Variants in MGST2 observed in about 807,000 individuals in gnomAD.
MGST2 encodes the protein microsomal glutathione S-transferase 2, also known as glutathione peroxidase MGST2.
In MGST2, 9 loss-of-function variants were observed where a neutral mutation model predicts 16.6. The ratio of observed to expected loss-of-function variants is 0.54; its 90% CI spans 0.33 to 0.95. MGST2 has a LOEUF of 0.95. Ranked by LOEUF, MGST2 falls within the 40% of genes least tolerant of loss-of-function variation. The pLI is 0.03. For synonymous variants in MGST2, 79 were observed against 68.0 expected (o/e 1.16, Z -0.79); for missense variants, 159 against 175.1 (o/e 0.91, Z 0.52).
chr4:139,746,687 G>T, the MGST2 span, among the ~76,000 whole-genome samples: 1 of 152,082 alleles, frequency 6.6e-6, no homozygotes, highest in Non-Finnish European at 1.5e-5. Context: ...CTGGACCTCC[G>T]CAGGCAGCCA....
chr4:139,672,682 C>G (rs183196897), intron 1 of MGST2, among the ~76,000 whole-genome samples: 101 of 151,888 alleles, frequency 6.6e-4, no homozygotes, highest in Middle Eastern at 3.4e-3. Flanking sequence ...TCCTGAGTAG[C>G]TGGGACTACA....
the MGST2 span, among the ~76,000 whole-genome samples, chr4:139,748,985 C>T: frequency 3.9e-5 from 6 of 152,152 alleles, no homozygotes; most frequent in African/African-American, 9.7e-5. Flanking sequence ...TGGCTGCACA[C>T]GTCCTTGAAG....
intron 5 of MGST2, among the ~76,000 whole-genome samples, chr4:139,737,314 ATTTTT>A (rs200018580): frequency 2.7e-5 from 4 of 147,980 alleles, no homozygotes; most frequent in African/African-American, 9.9e-5. Context: ...CATTTTGTTG[ATTTTT>A]TTTTTTTAAG....
chr4:139,709,291 G>A (rs12508933), intron 5 of MGST2, among the ~76,000 whole-genome samples: 50,606 of 151,606 alleles, frequency 0.33, 9,100 homozygotes, highest in Admixed American at 0.42. Context: ...CACCGTGTTA[G>A]CCAGGATGGT....
At chr4:139,724,771 G>A (rs907960661) in intron 5 of MGST2, among the ~76,000 whole-genome samples, 1 of 134,914 alleles carries the variant, frequency 7.4e-6, no homozygotes, top group Non-Finnish European at 1.6e-5. Context: ...AGACCCTCAA[G>A]GGTCTTTTTT....
At chr4:139,738,868 A>G (rs1462125037) in intron 5 of MGST2, among the ~76,000 whole-genome samples, 2 of 152,342 alleles carry the variant, frequency 1.3e-5, no homozygotes, top group Admixed American at 1.3e-4. Flanking sequence ...ACATATTTTT[A>G]TGCTTATGAT....
At chr4:139,673,668 C>T (rs1236978381) in intron 1 of MGST2, among the ~76,000 whole-genome samples, 1 of 152,170 alleles carries the variant, frequency 6.6e-6, no homozygotes. Context: ...CCTGCCTCGG[C>T]CTCCCAGAAT....
Position 139,674,338 on chromosome 4 carries a change from C to G in MGST2, c.59-4205C>G, listed in dbSNP as rs201337905. ...GACATTCTTTTGAGTTTCTGATTAGCCTTTTACTGAATCAAAGGAAGCAAT... is the reference window on the plus strand; with the variant it reads ...GACATTCTTTTGAGTTTCTGATTAGGCTTTTACTGAATCAAAGGAAGCAAT... On this transcript the variant is annotated intron_variant, in intron 1 of 4. Coordinates refer to ENST00000265498, the MANE Select transcript of MGST2 (RefSeq NM_002413.5). Among the ~76,000 whole-genome samples the G allele has an allele frequency of 2.0e-5, 3 of 152,264 alleles. No individual in the cohort carries two copies. The East Asian group carries it at 5.8e-4, about 29-fold the overall frequency.
intron 5 of MGST2, chr4:139,719,176 C>T (rs1728117921): frequency 1.1e-6 from 1 of 890,834 alleles, no homozygotes; most frequent in African/African-American, 1.7e-5. Flanking sequence ...TGGATTGGCA[C>T]CTGGATCTTC....
chr4:139,747,553 C>T, the MGST2 span, among the ~76,000 whole-genome samples: 5 of 151,740 alleles, frequency 3.3e-5, no homozygotes, highest in African/African-American at 1.2e-4. Flanking sequence ...AATTAGCCGG[C>T]TGTGGTGGTG....
chr4:139,733,053 CA>C lies in MGST2; in HGVS notation c.*49-7156del, dbSNP rs149197716. Among the ~76,000 whole-genome samples, 371 of 152,302 alleles carry C rather than the reference CA, an allele frequency of 2.4e-3. 6 individuals are homozygous for C. The highest frequency in any genetic ancestry group is 0.017 in the East Asian group (88 of 5,186). On this transcript the variant is annotated intron_variant, in intron 5 of 5. Transcript: ENST00000616265. The stretch of plus-strand genomic sequence containing the variant: ...TATTTCAGGGTCTTCCCTTTTCCCC[CA>C]AATATTTGCTACCTGTTTTCCAAGC...
chr4:139,716,810 ATCACT>A (rs1284428387), intron 5 of MGST2: 8 of 152,608 alleles, frequency 5.2e-5, no homozygotes, highest in African/African-American at 1.9e-4. Context: ...GTATGTCAAC[ATCACT>A]TCATTTCTAC....
At chr4:139,692,444 C>G (rs1726664069) in intron 2 of MGST2, among the ~76,000 whole-genome samples, 1 of 152,238 alleles carries the variant, frequency 6.6e-6, no homozygotes, top group Non-Finnish European at 1.5e-5. Flanking sequence ...GTCCTGCTCC[C>G]CAGTCCTCTG....
At chr4:139,719,954 T>C (rs1728162541) in intron 5 of MGST2, 1 of 1,614,096 alleles carries the variant, frequency 6.2e-7, no homozygotes, top group East Asian at 2.2e-5. Context: ...CATCTGTGGA[T>C]GTTGCTGGGT....
At chr4:139,676,540 A>G (rs1730968158) in intron 1 of MGST2, among the ~76,000 whole-genome samples, 1 of 152,018 alleles carries the variant, frequency 6.6e-6, no homozygotes, top group African/African-American at 2.4e-5. Context: ...CCTCAGTCTT[A>G]CCTCCTAGGG....
intron 5 of MGST2, chr4:139,719,603 A>G (rs553193151): frequency 6.2e-7 from 1 of 1,613,100 alleles, no homozygotes; most frequent in Non-Finnish European, 8.5e-7. Context: ...AGACATGACC[A>G]TTGGCCTCGC....
intron 5 of MGST2, among the ~76,000 whole-genome samples, chr4:139,722,204 A>C (rs1579358545): frequency 6.6e-6 from 1 of 152,364 alleles, no homozygotes; most frequent in East Asian, 1.9e-4. Context: ...GCAGTGATAC[A>C]TTAATCCAAG....
At chr4:139,739,956 C>A (rs1475490166) in intron 5 of MGST2, among the ~76,000 whole-genome samples, 1 of 152,132 alleles carries the variant, frequency 6.6e-6, no homozygotes, top group East Asian at 1.9e-4. Flanking sequence ...CTATTTCTCC[C>A]TGAGCCCACC....
intron 5 of MGST2, chr4:139,725,677 A>G: frequency 7.1e-7 from 1 of 1,409,300 alleles, no homozygotes; most frequent in Non-Finnish European, 1.0e-6. Flanking sequence ...CAGTAAGGCA[A>G]TGCCTCTGGC....
Sources: allele counts gnomAD v4.1 joint callset (sites outside exome capture counted in the v4.1 genomes callset), GRCh38; gene constraint gnomAD v4.1.1; transcripts MANE v1.5; gene names NCBI Gene and HGNC (gene_info 2026-07-23, HGNC 2026-07-21).